BTRC: variants seen among roughly 807,000 people sequenced by gnomAD.
BTRC encodes the protein beta-transducin repeat containing E3 ubiquitin protein ligase, also known as F-box/WD repeat-containing protein 1A.
Under a neutral mutation model 85.5 loss-of-function variants are expected in BTRC, and 42 were observed. The observed-to-expected ratio is 0.49, with a 90% CI of 0.38 to 0.64. BTRC has a LOEUF of 0.64. BTRC is among the 30% of genes least tolerant of loss of function. The pLI, the probability that BTRC is intolerant of heterozygous loss-of-function variation, is 0.00. For missense variants in BTRC, 594 were observed against 743.5 expected (o/e 0.80, Z 2.34); for synonymous variants, 255 against 263.3 (o/e 0.97, Z 0.30).
At chr10:101,374,096 C>A (rs1035160506) in intron 1 of BTRC, among the ~76,000 whole-genome samples, 6 of 152,184 alleles carry the variant, frequency 3.9e-5, no homozygotes, top group East Asian at 3.9e-4. Flanking sequence ...ATCTGCTGGG[C>A]CAAATGGTAT....
intron 1 of BTRC, among the ~76,000 whole-genome samples, chr10:101,358,260 AT>A (rs58134876): frequency 2.0e-5 from 3 of 149,426 alleles, no homozygotes; most frequent in Non-Finnish European, 3.0e-5. Context: ...TATGCTGGCT[AT>A]TTTTTTTTTC....
At chr10:101,457,673 T>C (rs1046785055) in intron 2 of BTRC, among the ~76,000 whole-genome samples, 2 of 152,196 alleles carry the variant, frequency 1.3e-5, no homozygotes, top group South Asian at 4.1e-4. Context: ...GGGAATCTGT[T>C]GTTCTGAGCA....
chr10:101,456,557 A>G (rs1945089072), intron 2 of BTRC, among the ~76,000 whole-genome samples: 2 of 152,180 alleles, frequency 1.3e-5, no homozygotes, highest in South Asian at 4.1e-4. Context: ...TAAGCTTATC[A>G]CCTGAATACT....
chr10:101,515,128 G>T (rs1399213688), intron 4 of BTRC, among the ~76,000 whole-genome samples: 1 of 151,634 alleles, frequency 6.6e-6, no homozygotes, highest in African/African-American at 2.4e-5. Context: ...GCAAATTTTT[G>T]TATTTTTAGT....
At chr10:101,549,738 A>AAAAAAAAAAAATT (rs2062620303) in intron 13 of BTRC, among the ~76,000 whole-genome samples, 1 of 145,254 alleles carries the variant, frequency 6.9e-6, no homozygotes, top group Non-Finnish European at 1.5e-5. Context: ...AAAAAAAAAG[A>AAAAAAAAAAAATT]TGATGATGAT....
intron 5 of BTRC, 59 bp from the exon 6 acceptor site, chr10:101,525,954 T>TA: frequency 1.3e-6 from 2 of 1,531,874 alleles, no homozygotes; most frequent in South Asian, 1.2e-5. Flanking sequence ...GGACCTTTTG[T>TA]AAAAAATCAT....
At chr10:101,440,235 A>T (rs796155309) in intron 2 of BTRC, among the ~76,000 whole-genome samples, 17 of 152,118 alleles carry the variant, frequency 1.1e-4, no homozygotes, top group South Asian at 6.2e-4. Context: ...TTTTTTTTCA[A>T]GCTATGAGTA....
intron 4 of BTRC, among the ~76,000 whole-genome samples, chr10:101,480,998 A>G (rs1945817972): frequency 1.3e-5 from 2 of 152,190 alleles, no homozygotes; most frequent in South Asian, 4.1e-4. Context: ...AGCTCAATGC[A>G]GCCTTTACCT....
intron 1 of BTRC, among the ~76,000 whole-genome samples, chr10:101,418,639 T>C (rs947870870): frequency 7.9e-5 from 12 of 151,918 alleles, no homozygotes; most frequent in Non-Finnish European, 1.2e-4. Flanking sequence ...TTGCCAAACA[T>C]ATATATGTTT....
At chr10:101,495,293 T>C (rs559910758) in intron 4 of BTRC, among the ~76,000 whole-genome samples, 14 of 152,330 alleles carry the variant, frequency 9.2e-5, no homozygotes, top group African/African-American at 3.4e-4. Flanking sequence ...TTATCTAATA[T>C]TATAGCAGTT....
intron 1 of BTRC, among the ~76,000 whole-genome samples, chr10:101,360,790 C>G (rs796812575): frequency 5.9e-5 from 9 of 152,282 alleles, no homozygotes; most frequent in African/African-American, 2.2e-4. Flanking sequence ...TGCCACCACT[C>G]GCAGCCTAAA....
At chr10:101,443,328 A>C (rs2134118034) in intron 2 of BTRC, among the ~76,000 whole-genome samples, 1 of 152,340 alleles carries the variant, frequency 6.6e-6, no homozygotes, top group East Asian at 1.9e-4. Context: ...TAAAACATGC[A>C]AATGTAGTCC....
At chr10:101,475,954 T>TATATA (rs1554884571) in intron 3 of BTRC, among the ~76,000 whole-genome samples, 28 of 134,086 alleles carry the variant, frequency 2.1e-4, no homozygotes, top group East Asian at 4.2e-4. Context: ...TATATATATA[T>TATATA]TCAGTAATTC....
chr10:101,526,944 A>C (rs536075294), intron 6 of BTRC, among the ~76,000 whole-genome samples: 69 of 152,248 alleles, frequency 4.5e-4, no homozygotes, highest in African/African-American at 1.6e-3. Context: ...GACTTCACTA[A>C]TTTTTTTGTT....
rs368314946 is a variant in BTRC at position 101,430,443 on chromosome 10, A to G, written c.147A>G (p.Thr49=). 4.3e-6 allele frequency: 7 copies of G among 1,613,584 alleles called. No homozygotes were observed. The highest frequency in any genetic ancestry group is 1.7e-5 in the Admixed American group (1 of 59,960). ...ATAACCCAGGGACTGGCGCACTCAC[A>G]GCTTTCCAGGTACTTTCTCTGTCTC... ...CLYNPGTGAL[T]AFQNSSERED... is the part of the protein sequence containing the mutation. The change falls in exon 2 of 15, where the codon ACA becomes ACG. Residue 49 remains threonine, a synonymous_variant. Coordinates refer to ENST00000370187, the MANE Select transcript of BTRC (RefSeq NM_033637.4).
At chr10:101,432,113 A>C (rs1399560486) in intron 2 of BTRC, among the ~76,000 whole-genome samples, 1 of 150,710 alleles carries the variant, frequency 6.6e-6, no homozygotes, top group Non-Finnish European at 1.5e-5. Context: ...ATTTATTTCA[A>C]AGTGAAATAT....
intron 4 of BTRC, among the ~76,000 whole-genome samples, chr10:101,484,447 A>G (rs932401823): frequency 2.0e-5 from 3 of 152,186 alleles, no homozygotes; most frequent in Admixed American, 6.5e-5. Context: ...CAACTGTTTC[A>G]CTTTTTTTCC....
chr10:101,373,256 A>G (rs1942691062), intron 1 of BTRC, among the ~76,000 whole-genome samples: 2 of 152,236 alleles, frequency 1.3e-5, no homozygotes, highest in Admixed American at 1.3e-4. Flanking sequence ...AACAACAAAG[A>G]TGAAAGAGCA....
chr10:101,436,309 T>C (rs1944527265), intron 2 of BTRC, among the ~76,000 whole-genome samples: 1 of 152,150 alleles, frequency 6.6e-6, no homozygotes, highest in Non-Finnish European at 1.5e-5. Flanking sequence ...TATTTTGCTT[T>C]AGATATTGAA....
Sources: allele counts gnomAD v4.1 joint callset (sites outside exome capture counted in the v4.1 genomes callset), GRCh38; gene constraint gnomAD v4.1.1; transcripts MANE v1.5; gene names NCBI Gene and HGNC (gene_info 2026-07-23, HGNC 2026-07-21).